MYO7A: variants seen among roughly 807,000 people sequenced by gnomAD.
MYO7A encodes the protein myosin VIIA, also known as unconventional myosin-VIIa.
In MYO7A, 210 loss-of-function variants were observed where a neutral mutation model predicts 263.8. The observed-to-expected ratio is 0.80, with a 90% CI of 0.71 to 0.89. The LOEUF (loss-of-function observed/expected upper bound fraction) is 0.89. Ranked by LOEUF, MYO7A falls within the 40% of genes least tolerant of loss-of-function variation. MYO7A has a pLI of 0.00. For synonymous variants in MYO7A, 1,239 were observed against 1,197.3 expected, an observed-to-expected ratio of 1.03 and a Z score of -0.72; for missense variants, 2,820 against 2,968.3, an observed-to-expected ratio of 0.95 and a Z score of 1.16.
chr11:77,167,062 G>A (rs781993615), intron 15 of MYO7A, among the ~76,000 whole-genome samples: 26 of 152,342 alleles, frequency 1.7e-4, no homozygotes, highest in Middle Eastern at 3.4e-3. Context: ...GCTTGGTCCC[G>A]AGCTCCCACT....
chr11:77,187,191 TA>T (rs1440542074), intron 27 of MYO7A, among the ~76,000 whole-genome samples: 2 of 152,132 alleles, frequency 1.3e-5, no homozygotes, highest in African/African-American at 4.8e-5. Context: ...AATATAATAA[TA>T]AAGTTTGAGA....
At chr11:77,160,924 C>G in intron 11 of MYO7A, 49 bp from the exon 12 acceptor site, 1 of 1,572,098 alleles carries the variant, frequency 6.4e-7, no homozygotes, top group Non-Finnish European at 8.6e-7. Flanking sequence ...CTGGCCTGTC[C>G]CCCGGGGGAG....
chr11:77,159,405 C>T, intron 9 of MYO7A, 42 bp from the exon 10 acceptor site: 3 of 601,840 alleles, frequency 5.0e-6, no homozygotes, highest in Non-Finnish European at 6.3e-6. Flanking sequence ...CCCCTGTTGC[C>T]CACCCTCCCT....
intron 21 of MYO7A, 124 bp downstream of exon 21, chr11:77,180,077 G>A: frequency 1.9e-6 from 2 of 1,049,604 alleles, no homozygotes; most frequent in Non-Finnish European, 2.7e-6. Context: ...TGCCTGCTCT[G>A]AGGAGTGCAC....
chr11:77,159,106 A>T (rs967890848), intron 9 of MYO7A, among the ~76,000 whole-genome samples: 6 of 152,292 alleles, frequency 3.9e-5, no homozygotes, highest in Admixed American at 6.5e-5. Flanking sequence ...CATGTCGGGG[A>T]GGGGATCCAA....
At chr11:77,167,987 C>T (rs1193931938) in intron 15 of MYO7A, among the ~76,000 whole-genome samples, 1 of 152,158 alleles carries the variant, frequency 6.6e-6, no homozygotes, top group Non-Finnish European at 1.5e-5. Flanking sequence ...CAGGAGAGTC[C>T]CCACCCGAAA....
chr11:77,159,317 A>G (rs1359732575), intron 9 of MYO7A, 130 bp from the exon 10 acceptor site: 3 of 752,408 alleles, frequency 4.0e-6, no homozygotes, highest in African/African-American at 3.4e-5. Context: ...TTTAGTCACA[A>G]TGCTGATGCC....
chr11:77,194,000 G>A (rs1272061654), intron 31 of MYO7A: 3 of 500,962 alleles, frequency 6.0e-6, no homozygotes, highest in East Asian at 5.7e-5. Context: ...TTCCTCTTCT[G>A]CTGTTTGTCA....
rs767615975 is a variant in MYO7A at position 77,192,163 on chromosome 11, T to C, written c.4037T>C (p.Phe1346Ser). 1 of 1,613,978 alleles carries C rather than the reference T, an allele frequency of 6.2e-7. No individual in the cohort carries two copies. The highest frequency in any genetic ancestry group is 8.5e-7 in the Non-Finnish European group (1 of 1,179,890). The change falls in exon 31 of 49, where the codon TTC (phenylalanine) becomes TCC (serine). Residue 1346 changes from phenylalanine to serine, a missense_variant. Physicochemically the swap from Phe to Ser is radical, Grantham distance 155 (BLOSUM62 -2). Coordinates refer to ENST00000409709, the MANE Select transcript of MYO7A (RefSeq NM_000260.4). ...CGCAACGCCCCCTGGAGGCTCTTCTTCCGCAAAGAGGTCTTCACGCCCTGG... is the reference window on the plus strand; with the variant it reads ...CGCAACGCCCCCTGGAGGCTCTTCTCCCGCAAAGAGGTCTTCACGCCCTGG... ...QERNAPWRLF[F>S]RKEVFTPWHS...
At position 77,138,707 on chromosome 11, in the gene MYO7A, C is replaced by T. The variant is rs1318499691; in HGVS notation, c.19-4002C>T. Among the ~76,000 whole-genome samples the T allele has an allele frequency of 6.6e-6, 1 of 152,176 alleles. No individual in the cohort carries two copies. Among genetic ancestry groups the T allele is most frequent in the East Asian group, 1.9e-4 (1 of 5,184 alleles). On this transcript the variant is annotated intron_variant, in intron 2 of 48. Coordinates refer to ENST00000409709, the MANE Select transcript of MYO7A (RefSeq NM_000260.4). This position sits in a 1 kb window ranked among gnomAD's most constrained non-coding sequence, Gnocchi z 4.9. ...ATTTGCTGAGATCCAGAGCAGGGAG[C>T]ACCTCCAGGTGCACAGAGGGACCCC...
chr11:77,202,556 A>G, intron 37 of MYO7A, 132 bp downstream of exon 37: 1 of 1,245,082 alleles, frequency 8.0e-7, no homozygotes, highest in Non-Finnish European at 1.1e-6. Flanking sequence ...AGGGAGCTGG[A>G]GGGCTGTTTC....
intron 15 of MYO7A, among the ~76,000 whole-genome samples, chr11:77,171,190 G>A (rs1206130618): frequency 6.6e-6 from 1 of 152,226 alleles, no homozygotes; most frequent in Non-Finnish European, 1.5e-5. Context: ...TACACGCGGT[G>A]GTATGCGTGT....
rs140521342 is a variant in MYO7A, at chr11:77,207,890, C to T, written c.5856+488C>T. ...GCCCCTGCCACCATTTCACATCACG[C>T]TCCCCCAGCACCTCTGTCCCTGGAA... On this transcript the variant is annotated intron_variant, in intron 42 of 48. Transcript: ENST00000409709. Among the ~76,000 whole-genome samples the T allele has an allele frequency of 2.4e-4, 36 of 152,328 alleles. No individual in the cohort carries two copies. In the East Asian group the frequency reaches 6.8e-3, roughly 29 times the overall value.
In MYO7A at chr11:77,138,614, T is replaced by C. The variant is rs1306230039; in HGVS notation, c.19-4095T>C. Among the ~76,000 whole-genome samples, 1 of 152,082 alleles carries C rather than the reference T, an allele frequency of 6.6e-6. No individual in the cohort carries two copies. The highest frequency in any genetic ancestry group is 1.5e-5 in the Non-Finnish European group (1 of 67,980). ...GAACTTGGCCGCGGCTGCCCTTTCC[T>C]AGGAGGAGAGGTTTTGCATCTGGGA... On this transcript the variant is annotated intron_variant, in intron 2 of 48. Transcript: ENST00000409709. The surrounding 1 kb of genome is among the most constrained non-coding windows in gnomAD (Gnocchi z 4.9).
Position 77,189,375 on chromosome 11 carries a change from C to T in MYO7A, c.3535C>T (p.Leu1179=), listed in dbSNP as rs782684516. 1 of 1,613,790 alleles carries T rather than the reference C, an allele frequency of 6.2e-7. No individual in the cohort carries two copies. Among genetic ancestry groups the T allele is most frequent in the Non-Finnish European group, 8.5e-7 (1 of 1,179,894 alleles). Residue 1179 remains leucine, a synonymous_variant, in exon 28 of 49, where the codon CTG becomes TTG. Transcript: ENST00000409709. ...GATCTACTGCCAGATCAGCAAGCAG[C>T]TGACCCACAACCCCTCCAAGAGCAG... The part of the protein sequence containing the change: ...DEIYCQISKQ[L]THNPSKSSYA...
intron 9 of MYO7A, 136 bp downstream of exon 9, chr11:77,158,566 G>A (rs1404897027): frequency 1.0e-5 from 12 of 1,157,782 alleles, no homozygotes; most frequent in African/African-American, 3.1e-5. Context: ...GGAAGAATTC[G>A]CCTGTGGGTA....
chr11:77,138,422 G>C lies in MYO7A; in HGVS notation c.19-4287G>C, dbSNP rs7120470. Among the ~76,000 whole-genome samples the C allele has an allele frequency of 0.069, 10,509 of 152,234 alleles. 469 individuals carry two copies. Among genetic ancestry groups the C allele is most frequent in the East Asian group, 0.21 (1,096 of 5,152 alleles). The stretch of plus-strand genomic sequence containing the variant: ...AAGACCTACGCCGTCCTGCCGGTGA[G>C]GCCCGGGCCAGGAGGGGAGAAGGGA... On this transcript the variant is annotated intron_variant, in intron 2 of 48. Transcript: ENST00000409709. The surrounding 1 kb of genome is among the most constrained non-coding windows in gnomAD (Gnocchi z 4.9).
intron 32 of MYO7A, 81 bp downstream of exon 32, chr11:77,194,605 C>T: frequency 7.0e-7 from 1 of 1,421,000 alleles, no homozygotes; most frequent in Non-Finnish European, 9.4e-7. Flanking sequence ...CTGAACCTCT[C>T]TGTTGGGGCT....
chr11:77,173,360 C>T (rs1173110867), intron 16 of MYO7A, among the ~76,000 whole-genome samples: 2 of 152,250 alleles, frequency 1.3e-5, no homozygotes, highest in Non-Finnish European at 2.9e-5. Flanking sequence ...GAAGCCTCCC[C>T]CATCTCTTCA....
Sources: allele counts gnomAD v4.1 joint callset (sites outside exome capture counted in the v4.1 genomes callset), GRCh38; gene constraint gnomAD v4.1.1; non-coding constraint Gnocchi (gnomAD v3.1); transcripts MANE v1.5; gene names NCBI Gene and HGNC (gene_info 2026-07-23, HGNC 2026-07-21).